Variants in DEPDC5 observed in about 807,000 individuals in gnomAD.
DEPDC5 encodes the protein DEP domain containing 5, GATOR1 subcomplex subunit.
In DEPDC5, 73 loss-of-function variants were observed where a neutral mutation model predicts 217.3. The ratio of observed to expected loss-of-function variants is 0.34; its 90% CI spans 0.28 to 0.41. The LOEUF (loss-of-function observed/expected upper bound fraction) is 0.41. Among genes scored for constraint, DEPDC5 ranks in the 10% least tolerant of loss-of-function variants. DEPDC5 has a pLI of 1.00. For missense variants in DEPDC5, 1,675 were observed against 2,070.1 expected, an observed-to-expected ratio of 0.81 and a Z score of 3.70; for synonymous variants, 733 against 756.7, an observed-to-expected ratio of 0.97 and a Z score of 0.51.
At chr22:31,880,624 G>T (rs2093147810) in intron 38 of DEPDC5, among the ~76,000 whole-genome samples, 1 of 152,252 alleles carries the variant, frequency 6.6e-6, no homozygotes, top group South Asian at 2.1e-4. Flanking sequence ...TCCAGGCCGG[G>T]CACGGTGGCC....
intron 38 of DEPDC5, among the ~76,000 whole-genome samples, chr22:31,883,913 A>G (rs942817084): frequency 2.8e-4 from 42 of 151,996 alleles, no homozygotes; most frequent in African/African-American, 5.8e-4. Flanking sequence ...CTTCCCCTCT[A>G]TGCCATCCCT....
chr22:31,877,531 C>T (rs2093035301), intron 37 of DEPDC5, among the ~76,000 whole-genome samples: 1 of 144,788 alleles, frequency 6.9e-6, no homozygotes, highest in South Asian at 2.2e-4. Flanking sequence ...GCCGGCAGAT[C>T]ACAAGGTCAG....
intron 10 of DEPDC5, among the ~76,000 whole-genome samples, chr22:31,787,490 T>C (rs141710378): frequency 2.5e-4 from 38 of 152,280 alleles, no homozygotes; most frequent in Non-Finnish European, 4.3e-4. Context: ...TTAAAAACTT[T>C]TGTGCATCAA....
Position 31,765,060 on chromosome 22 carries a change from G to T in DEPDC5, c.279G>T (p.Lys93Asn). 1 of 1,612,442 alleles carries T rather than the reference G, an allele frequency of 6.2e-7. No homozygotes were observed. Among genetic ancestry groups the T allele is most frequent in the Non-Finnish European group, 8.5e-7 (1 of 1,178,628 alleles). Reference protein sequence around the residue: ...QDVYVNVVDPKDVTLDLVELT... With the variant: ...QDVYVNVVDPNDVTLDLVELT... ...TCTATGTTAATGTCGTAGACCCTAAGGTATGTCTTTGTTTTGTACTTGAAT... is the reference window on the plus strand; with the variant it reads ...TCTATGTTAATGTCGTAGACCCTAATGTATGTCTTTGTTTTGTACTTGAAT... The change falls in exon 5 of 43, where the codon AAG becomes AAT. Residue 93 changes from lysine (K) to asparagine (N), a missense_variant and splice_region_variant. This residue lies in a region of DEPDC5 where 628 missense variants were observed against 762.1 expected (regional missense o/e 0.82). Transcript: ENST00000651528.
At chr22:31,896,802 T>C (rs1357437769) in intron 39 of DEPDC5, among the ~76,000 whole-genome samples, 5 of 152,298 alleles carry the variant, frequency 3.3e-5, no homozygotes, top group Middle Eastern at 6.8e-3. Flanking sequence ...GTTTTCCTAT[T>C]TGATACTTTG....
At chr22:31,833,579 A>G (rs1157908544) in intron 24 of DEPDC5, among the ~76,000 whole-genome samples, 2 of 152,202 alleles carry the variant, frequency 1.3e-5, no homozygotes, top group Admixed American at 6.5e-5. Context: ...AAAATAGGCC[A>G]TTTATATTCA....
intron 23 of DEPDC5, among the ~76,000 whole-genome samples, chr22:31,821,917 C>T (rs1055242671): frequency 5.3e-5 from 8 of 152,162 alleles, no homozygotes; most frequent in South Asian, 2.1e-4. Flanking sequence ...TTTTTCTAAA[C>T]CTCAGTCAAA....
intron 35 of DEPDC5, chr22:31,873,902 C>G (rs987093393): frequency 2.8e-4 from 71 of 250,888 alleles, no homozygotes; most frequent in Non-Finnish European, 4.9e-4. Flanking sequence ...AAGTGATTCT[C>G]CCACCTCAGC....
chr22:31,804,036 G>C, intron 15 of DEPDC5, 126 bp from the exon 16 acceptor site: 1 of 834,768 alleles, frequency 1.2e-6, no homozygotes, highest in Non-Finnish European at 1.9e-6. Flanking sequence ...AGCACTATGA[G>C]GTTATAAATC....
chr22:31,895,966 T>C (rs900438721), intron 39 of DEPDC5, among the ~76,000 whole-genome samples: 11 of 151,470 alleles, frequency 7.3e-5, no homozygotes, highest in Non-Finnish European at 4.4e-5. Flanking sequence ...TAAAACTAAC[T>C]CTCTGACCCA....
At chr22:31,882,389 C>T (rs1789413694) in intron 38 of DEPDC5, among the ~76,000 whole-genome samples, 1 of 152,144 alleles carries the variant, frequency 6.6e-6, no homozygotes, top group Non-Finnish European at 1.5e-5. Flanking sequence ...CAATGCATTA[C>T]AATAAGTAAA....
intron 8 of DEPDC5, among the ~76,000 whole-genome samples, chr22:31,782,768 T>C (rs1031023501): frequency 2.6e-5 from 4 of 152,196 alleles, no homozygotes; most frequent in Non-Finnish European, 5.9e-5. Context: ...ATAGAACCTT[T>C]GTATATGTTG....
Position 31,861,416 on chromosome 22 carries a change from T to C in DEPDC5, c.3313T>C (p.Ser1105Pro), listed in dbSNP as rs1303758560. Residue 1105 changes from serine to proline, a missense_variant, in exon 33 of 43, where the codon TCC (serine) becomes CCC (proline). Physicochemically the swap from Ser to Pro is moderately conservative, Grantham distance 74. Around this residue, in one of 11 missense-constraint regions of DEPDC5, gnomAD observed 126 missense variants for 113.8 expected, o/e 1.11. Transcript: ENST00000651528. ...TGTCCGCAGCCCACGCACAGCATCG[T>C]CCGCCTTCTACCCTCAGGTTAGTCC... ...EFVRSPRTAS[S>P]AFYPQVSVDQ... is the part of the protein sequence containing the mutation. 6.4e-7 allele frequency: 1 copy of C among 1,551,596 alleles called. No homozygotes were observed. Among genetic ancestry groups the C allele is most frequent in the East Asian group, 2.4e-5 (1 of 40,910 alleles).
intron 29 of DEPDC5, among the ~76,000 whole-genome samples, chr22:31,844,056 T>TCTC (rs965337657): frequency 5.8e-4 from 88 of 152,150 alleles, no homozygotes; most frequent in African/African-American, 2.1e-3. Context: ...CAAAATCCTG[T>TCTC]CTCTACTAAA....
At position 31,897,584 on chromosome 22, in the gene DEPDC5, C is replaced by A; in HGVS notation, c.4306C>A (p.Arg1436Ser). The A allele has an allele frequency of 6.8e-6, 11 of 1,614,164 alleles. No individual in the cohort carries two copies. The highest frequency in any genetic ancestry group is 8.5e-6 in the Non-Finnish European group (10 of 1,180,038). Reference sequence around the variant, plus strand: ...CAGTTACCTGTATGGCGACCCCCTTCGTGCCCAGCTCTTCATCCCACTCAA... The same window carrying A: ...CAGTTACCTGTATGGCGACCCCCTTAGTGCCCAGCTCTTCATCCCACTCAA... ...LPSYLYGDPL[R>S]AQLFIPLNIS... Residue 1436 changes from arginine (R) to serine (S), a missense_variant, in exon 40 of 43, where the codon CGT becomes AGT. Arg to Ser is a moderately radical substitution (Grantham distance 110, BLOSUM62 -1). Coordinates refer to ENST00000651528, the MANE Select transcript of DEPDC5 (RefSeq NM_001242896.3).
intron 41 of DEPDC5, 114 bp from the exon 42 acceptor site, chr22:31,905,870 T>C: frequency 2.2e-6 from 2 of 917,984 alleles, no homozygotes; most frequent in Non-Finnish European, 1.6e-6. Flanking sequence ...TGGAAAGAGA[T>C]CTTTCCAGAT....
chr22:31,767,339 A>G (rs1285884548), intron 6 of DEPDC5, among the ~76,000 whole-genome samples: 1 of 151,764 alleles, frequency 6.6e-6, no homozygotes, highest in African/African-American at 2.4e-5. Flanking sequence ...CTTGTTGCCC[A>G]GGCTGGAGTG....
intron 18 of DEPDC5, among the ~76,000 whole-genome samples, chr22:31,807,907 A>G (rs1269132551): frequency 6.6e-6 from 1 of 151,626 alleles, no homozygotes; most frequent in Non-Finnish European, 1.5e-5. Flanking sequence ...TTCTTTTTTT[A>G]GGGGGGAGGG....
chr22:31,773,927 T>C (rs1170784423), intron 7 of DEPDC5, among the ~76,000 whole-genome samples: 1 of 151,882 alleles, frequency 6.6e-6, no homozygotes, highest in African/African-American at 2.4e-5. Flanking sequence ...CAAAATTAGC[T>C]GAGCATGATG....
Sources: gnomAD v4.1 joint callset for allele counts (sites outside exome capture counted in the v4.1 genomes callset) on GRCh38, gnomAD v4.1.1 for gene constraint, gnomAD v4.1.1 regional missense constraint, MANE v1.5 for transcripts, NCBI Gene and HGNC (gene_info 2026-07-23, HGNC 2026-07-21) for gene names.